PTPRQ: variants seen among roughly 807,000 people sequenced by gnomAD.
PTPRQ encodes the protein protein tyrosine phosphatase receptor type Q.
A neutral mutation model predicts 246.0 loss-of-function variants in PTPRQ; 199 were observed. That is an observed-to-expected ratio of 0.81 (90% confidence interval 0.72 to 0.91). The LOEUF is 0.91. PTPRQ is among the 40% of genes least tolerant of loss of function. The pLI is 0.00. For missense variants in PTPRQ, 2,624 were observed against 2,528.4 expected (o/e 1.04, Z -0.81); for synonymous variants, 869 against 853.2 (o/e 1.02, Z -0.32).
intron 33 of PTPRQ, among the ~76,000 whole-genome samples, chr12:80,628,341 G>A (rs567979418): frequency 6.6e-6 from 1 of 152,098 alleles, no homozygotes; most frequent in Non-Finnish European, 1.5e-5. Flanking sequence ...ATGCAGGATA[G>A]CCACAGGAAC....
intron 25 of PTPRQ, among the ~76,000 whole-genome samples, chr12:80,554,168 T>G (rs1305562087): frequency 6.6e-6 from 1 of 152,176 alleles, no homozygotes; most frequent in Non-Finnish European, 1.5e-5. Flanking sequence ...ACAGGGTGAC[T>G]AGTCAATAAT....
rs139455725 is a variant in PTPRQ at position 80,494,752 on chromosome 12, C to T, written c.1541-181C>T. ...AATTCATAGTAATATTCAATACGAT[C>T]TCTAAAATTAATATTTTTATGTTTA... On this transcript the variant is annotated intron_variant, in intron 10 of 44. Transcript: ENST00000644991. Among the ~76,000 whole-genome samples the T allele has an allele frequency of 5.3e-3, 801 of 151,942 alleles. 17 individuals carry two copies. Among genetic ancestry groups the T allele is most frequent in the African/African-American group, 0.019 (774 of 41,476 alleles).
chr12:80,468,005 A>C lies in PTPRQ; in HGVS notation c.911-705A>C, dbSNP rs1787336104. On this transcript the variant is annotated intron_variant, in intron 6 of 44. Transcript: ENST00000644991. ...ACATGTACCCTAAAACTTAAAGTGTAATAATAATAAAATTTTTAAAACAAT... is the reference window on the plus strand; with the variant it reads ...ACATGTACCCTAAAACTTAAAGTGTCATAATAATAAAATTTTTAAAACAAT... Among the ~76,000 whole-genome samples, 3 of 152,322 alleles carry C rather than the reference A, an allele frequency of 2.0e-5. No homozygotes were observed. In the South Asian group the frequency reaches 6.2e-4, roughly 32 times the overall value.
At chr12:80,632,963 A>G (rs1470296791) in intron 34 of PTPRQ, among the ~76,000 whole-genome samples, 2 of 152,204 alleles carry the variant, frequency 1.3e-5, no homozygotes, top group African/African-American at 4.8e-5. Flanking sequence ...CTGGGCTCTC[A>G]CAATGAATAA....
chr12:80,616,297 G>T lies in PTPRQ; in HGVS notation c.5230+31G>T, dbSNP rs1325039375. The stretch of plus-strand genomic sequence containing the variant: ...TACATGAGCTACCTTCCTATGAAAT[G>T]CTATTAATCAGTGATTATAATTTAA... On this transcript the variant is annotated intron_variant, in intron 30 of 44. Coordinates refer to ENST00000644991, the MANE Select transcript of PTPRQ (RefSeq NM_001145026.2). The T allele has an allele frequency of 2.1e-6, 3 of 1,441,418 alleles. No individual in the cohort carries two copies. The South Asian group carries it at 4.5e-5, about 22-fold the overall frequency. 89.3% of individuals were successfully genotyped at this position (1,441,418 alleles called of 1,614,324 possible).
chr12:80,585,008 G>A (rs1433586918), intron 25 of PTPRQ, among the ~76,000 whole-genome samples: 2 of 151,300 alleles, frequency 1.3e-5, no homozygotes, highest in East Asian at 1.9e-4. Flanking sequence ...TAGTAAATAA[G>A]CAATAGATCT....
At chr12:80,537,963 G>A (rs1268440981) in intron 19 of PTPRQ, among the ~76,000 whole-genome samples, 1 of 152,086 alleles carries the variant, frequency 6.6e-6, no homozygotes, top group Non-Finnish European at 1.5e-5. Flanking sequence ...CAAAAAATTA[G>A]CCGGGCATGG....
intron 8 of PTPRQ, among the ~76,000 whole-genome samples, 181 bp from the exon 9 acceptor site, chr12:80,484,252 C>T (rs1592568030): frequency 6.6e-6 from 1 of 152,082 alleles, no homozygotes; most frequent in African/African-American, 2.4e-5. Context: ...GGTGATTGGC[C>T]TCCCTTGGCC....
chr12:80,642,945 AAC>A (rs1491216907), intron 35 of PTPRQ, among the ~76,000 whole-genome samples: 21 of 149,948 alleles, frequency 1.4e-4, no homozygotes, highest in African/African-American at 5.0e-4. Flanking sequence ...AAAAAAAAAA[AAC>A]AATTGAGTAT....
At chr12:80,546,891 C>T (rs917467018) in intron 24 of PTPRQ, 194 bp downstream of exon 24, 1 of 553,222 alleles carries the variant, frequency 1.8e-6, no homozygotes, top group East Asian at 3.7e-5. Context: ...TATATTTTCA[C>T]ACATGGTTTT....
Position 80,468,833 on chromosome 12 carries a change from C to G in PTPRQ, c.1034C>G (p.Pro345Arg), listed in dbSNP as rs1416087693. 12 of 1,547,310 alleles carry G rather than the reference C, an allele frequency of 7.8e-6. No homozygotes were observed. In the East Asian group the frequency reaches 2.7e-4, roughly 35 times the overall value. The change falls in exon 7 of 45, where the codon CCA becomes CGA. Residue 345 changes from proline (P) to arginine (R), a missense_variant. Transcript: ENST00000644991. ...AGTTATAGAGTTGAATTATATGGACCATCAGGTAAGCCTTAATTGGTTTTG... is the reference window on the plus strand; with the variant it reads ...AGTTATAGAGTTGAATTATATGGACGATCAGGTAAGCCTTAATTGGTTTTG... ...KFSYRVELYG[P>R]SGRILDNSTK...
chr12:80,480,143 T>A (rs995729963), intron 8 of PTPRQ, among the ~76,000 whole-genome samples: 2 of 152,128 alleles, frequency 1.3e-5, no homozygotes, highest in East Asian at 3.9e-4. Flanking sequence ...CCTCAGCAAA[T>A]GTAAAAGAAC....
In PTPRQ at chr12:80,619,372, CT is replaced by C; in HGVS notation, c.5231-9del. The C allele has an allele frequency of 6.5e-7, 1 of 1,544,224 alleles. No homozygotes were observed. Among genetic ancestry groups the C allele is most frequent in the Non-Finnish European group, 8.7e-7 (1 of 1,142,884 alleles). ...AACATCAATTGCAGTGATATTTCTT[CT>C]TTGTTTATAGCTCCAGCACGACCAA... On this transcript the variant is annotated splice_polypyrimidine_tract_variant and intron_variant, in intron 30 of 44. Coordinates refer to ENST00000644991, the MANE Select transcript of PTPRQ (RefSeq NM_001145026.2).
intron 26 of PTPRQ, among the ~76,000 whole-genome samples, chr12:80,589,020 A>C (rs958623576): frequency 6.6e-6 from 1 of 152,230 alleles, no homozygotes; most frequent in Non-Finnish European, 1.5e-5. Context: ...AAACACAAAT[A>C]CTTGAAATTG....
At chr12:80,467,866 G>A (rs1046210736) in intron 6 of PTPRQ, among the ~76,000 whole-genome samples, 22 of 152,098 alleles carry the variant, frequency 1.4e-4, no homozygotes, top group African/African-American at 4.8e-4. Context: ...GTGGGGTGGG[G>A]GCAGGGGGGA....
At position 80,605,104 on chromosome 12, in the gene PTPRQ, CT is replaced by C; in HGVS notation, c.4659del (p.Phe1553LeufsTer5). 1 of 1,545,308 alleles carries C rather than the reference CT, an allele frequency of 6.5e-7. No homozygotes were observed. Among genetic ancestry groups the C allele is most frequent in the Non-Finnish European group, 8.7e-7 (1 of 1,143,222 alleles). The part of the protein sequence containing the change: ...PENVHVVATS[P>X]FSISISWSEP... The stretch of plus-strand genomic sequence containing the variant: ...AATGTTCATGTAGTAGCAACATCAC[CT>C]TTTAGCATCAGCATAAGCTGGAGTG... On this transcript the variant is annotated frameshift_variant, in exon 27 of 45. Transcript: ENST00000644991. LOFTEE classifies it high-confidence loss of function.
At chr12:80,608,686 C>T (rs1288420989) in intron 27 of PTPRQ, among the ~76,000 whole-genome samples, 1 of 149,298 alleles carries the variant, frequency 6.7e-6, no homozygotes, top group Non-Finnish European at 1.5e-5. Context: ...CAAATCCTTC[C>T]TCTGCTACTA....
At chr12:80,503,279 G>A (rs12310771) in intron 14 of PTPRQ, among the ~76,000 whole-genome samples, 45,543 of 151,704 alleles carry the variant, frequency 0.3, 8,194 homozygotes, top group African/African-American at 0.5. Context: ...AATGTAATGG[G>A]TTGGCCTGGG....
chr12:80,670,376 C>CT lies in PTPRQ; in HGVS notation c.6489dup (p.Thr2164TyrfsTer10). 1 of 1,550,996 alleles carries CT rather than the reference C, an allele frequency of 6.4e-7. No homozygotes were observed. Among genetic ancestry groups the CT allele is most frequent in the African/African-American group, 1.4e-5 (1 of 73,082 alleles). On this transcript the variant is annotated frameshift_variant, in exon 42 of 45. Coordinates refer to ENST00000644991, the MANE Select transcript of PTPRQ (RefSeq NM_001145026.2). LOFTEE classifies it high-confidence loss of function. Reference sequence around the variant, plus strand: ...ATTGCATGACTGTTCGACAGTGTAACTTTACTGCCTGGCCAGAGCATGGGG... The same window carrying CT: ...ATTGCATGACTGTTCGACAGTGTAACTTTTACTGCCTGGCCAGAGCATGGGG...
Sources: allele counts gnomAD v4.1 joint callset (sites outside exome capture counted in the v4.1 genomes callset), GRCh38; gene constraint gnomAD v4.1.1; transcripts MANE v1.5; gene names NCBI Gene and HGNC (gene_info 2026-07-23, HGNC 2026-07-21).